RERE: variants seen among roughly 807,000 people sequenced by gnomAD.
RERE encodes arginine-glutamic acid dipeptide repeats protein.
In RERE, 40 loss-of-function variants were observed where a neutral mutation model predicts 146.1. The observed-to-expected ratio is 0.27, with a 90% CI of 0.21 to 0.36. The LOEUF (loss-of-function observed/expected upper bound fraction) is 0.36, where lower values mean the gene tolerates loss of function less well. RERE is among the 10% of genes least tolerant of loss of function. The pLI is 1.00. For missense variants in RERE, 1,933 were observed against 2,138.7 expected (o/e 0.90, Z 1.90); for synonymous variants, 1,003 against 866.0 (o/e 1.16, Z -2.78).
At position 8,439,649 on chromosome 1, in the gene RERE, A is replaced by G. The variant is rs1287912426; in HGVS notation, c.1204-16842T>C. On this transcript the variant is annotated intron_variant, in intron 11 of 22. Coordinates refer to ENST00000400908, the MANE Select transcript of RERE (RefSeq NM_001042681.2). ...CAAGAAAGGTCAATGACCCTTGGGAACCACACCCCCTGGCGGTTCCAGGTG... is the reference window on the plus strand; with the variant it reads ...CAAGAAAGGTCAATGACCCTTGGGAGCCACACCCCCTGGCGGTTCCAGGTG... 2.6e-5 allele frequency among the ~76,000 whole-genome samples: 4 copies of G among 152,226 alleles called. No homozygotes were observed. The South Asian group carries it at 8.3e-4, about 31-fold the overall frequency.
intron 4 of RERE, among the ~76,000 whole-genome samples, chr1:8,607,563 T>TTTTTTTTTTTTAGGG: frequency 1.1e-5 from 1 of 94,194 alleles, no homozygotes; most frequent in East Asian, 2.5e-4. Flanking sequence ...TTTTTTTTTT[T>TTTTTTTTTTTTAGGG]GAGACGGAGT....
intron 12 of RERE, among the ~76,000 whole-genome samples, chr1:8,377,212 C>A (rs1202826088): frequency 2.0e-5 from 3 of 152,248 alleles, no homozygotes; most frequent in Non-Finnish European, 2.9e-5. Flanking sequence ...GGCCTCTGGC[C>A]TGGAAGCCCT....
chr1:8,666,716 C>T (rs112129423), intron 1 of RERE, among the ~76,000 whole-genome samples: 5 of 152,284 alleles, frequency 3.3e-5, no homozygotes, highest in African/African-American at 1.2e-4. Context: ...CAAGATATCA[C>T]TGAAATATGA....
intron 4 of RERE, among the ~76,000 whole-genome samples, chr1:8,558,980 G>C (rs1646039672): frequency 6.6e-6 from 1 of 150,818 alleles, no homozygotes; most frequent in Non-Finnish European, 1.5e-5. Flanking sequence ...ATTTTTAGTA[G>C]AGACATGTTT....
At chr1:8,647,225 C>T (rs1356678675) in intron 2 of RERE, among the ~76,000 whole-genome samples, 2 of 152,140 alleles carry the variant, frequency 1.3e-5, no homozygotes, top group Non-Finnish European at 1.5e-5. Flanking sequence ...AACACACAGC[C>T]ACATTGTGTT....
chr1:8,610,239 G>C (rs60088571), intron 4 of RERE, among the ~76,000 whole-genome samples: 1 of 152,158 alleles, frequency 6.6e-6, no homozygotes, highest in Non-Finnish European at 1.5e-5. Flanking sequence ...AGCAGTTTCA[G>C]GATGTTCACA....
chr1:8,590,132 G>C (rs1396949112), intron 4 of RERE, among the ~76,000 whole-genome samples: 1 of 152,024 alleles, frequency 6.6e-6, no homozygotes, highest in Non-Finnish European at 1.5e-5. Flanking sequence ...GAGCTGGCCA[G>C]ACAGAACAAG....
In RERE at chr1:8,811,687, T is replaced by A. The variant is rs565701885; in HGVS notation, c.-145+5473A>T. 2.6e-5 allele frequency among the ~76,000 whole-genome samples: 4 copies of A among 152,338 alleles called. No homozygotes were observed. In the East Asian group the frequency reaches 7.7e-4, roughly 29 times the overall value. On this transcript the variant is annotated intron_variant, in intron 1 of 22. Transcript: ENST00000400908. The stretch of plus-strand genomic sequence containing the variant: ...GTGTCCGTGCATGCTCTGCTAAGTG[T>A]GTGCATGGCTGCGTGAGCTAGAATG...
intron 10 of RERE, among the ~76,000 whole-genome samples, chr1:8,473,749 C>G (rs144483609): frequency 3.3e-5 from 5 of 152,166 alleles, no homozygotes; most frequent in African/African-American, 1.2e-4. Context: ...TTAAATGGGC[C>G]TAACACCACC....
At chr1:8,386,014 ATATATATATTTTTTTTTTT>A (rs1198878153) in intron 12 of RERE, among the ~76,000 whole-genome samples, 7 of 44,622 alleles carry the variant, frequency 1.6e-4, no homozygotes, top group African/African-American at 6.6e-4. Context: ...ATATATATAT[ATATATATATTTTTTTTTTT>A]TTTTTTTTTT....
At chr1:8,402,211 C>A (rs112949231) in intron 12 of RERE, among the ~76,000 whole-genome samples, 2 of 152,250 alleles carry the variant, frequency 1.3e-5, no homozygotes, top group Admixed American at 1.3e-4. Flanking sequence ...GGCCACAGAA[C>A]GCAGCCAACC....
At chr1:8,451,329 A>G (rs1444186565) in intron 11 of RERE, among the ~76,000 whole-genome samples, 1 of 152,082 alleles carries the variant, frequency 6.6e-6, no homozygotes, top group Non-Finnish European at 1.5e-5. Context: ...CTACTCAGGA[A>G]GCTGAGGCAG....
chr1:8,702,838 A>G (rs1639482132), intron 1 of RERE, among the ~76,000 whole-genome samples: 2 of 152,170 alleles, frequency 1.3e-5, no homozygotes, highest in Admixed American at 1.3e-4. Flanking sequence ...GGCTACTTAA[A>G]AACTAGTGAG....
intron 1 of RERE, among the ~76,000 whole-genome samples, chr1:8,713,066 A>G (rs1639699016): frequency 6.6e-6 from 1 of 152,264 alleles, no homozygotes; most frequent in African/African-American, 2.4e-5. Context: ...AAGACTTGTT[A>G]TAAAATCTGA....
chr1:8,762,758 ACTT>A lies in RERE; in HGVS notation c.-145+54399_-145+54401del, dbSNP rs907482690. ...AAAACAGCCTCCTTATTTCTCCAAT[ACTT>A]CTTCTCCAAACATTGATGTTTCCAC... is the stretch of plus-strand genomic sequence containing the variant. On this transcript the variant is annotated intron_variant, in intron 1 of 22. Transcript: ENST00000400908. Among the ~76,000 whole-genome samples the A allele has an allele frequency of 1.5e-4, 23 of 152,256 alleles. No homozygotes were observed. The East Asian group carries it at 4.1e-3, about 27-fold the overall frequency.
At chr1:8,566,768 G>T (rs1646157676) in intron 4 of RERE, among the ~76,000 whole-genome samples, 3 of 151,388 alleles carry the variant, frequency 2.0e-5, no homozygotes, top group South Asian at 4.2e-4. Context: ...CTTCTGGAGG[G>T]ATCTGCTCAC....
intron 1 of RERE, among the ~76,000 whole-genome samples, chr1:8,792,799 T>C (rs1241214432): frequency 1.3e-5 from 2 of 152,086 alleles, no homozygotes; most frequent in Non-Finnish European, 2.9e-5. Context: ...GTGTCTTACA[T>C]CGGGTATGTT....
At chr1:8,781,110 C>T (rs1641156456) in intron 1 of RERE, among the ~76,000 whole-genome samples, 1 of 151,940 alleles carries the variant, frequency 6.6e-6, no homozygotes. Context: ...GCAATCCCAG[C>T]ACTTTCAGAG....
chr1:8,392,587 AC>A (rs1156270888), intron 12 of RERE, among the ~76,000 whole-genome samples: 1 of 151,870 alleles, frequency 6.6e-6, no homozygotes, highest in African/African-American at 2.4e-5. Flanking sequence ...GCCAGTATCT[AC>A]CCCCACCCCT....
Sources: allele counts gnomAD v4.1 joint callset (sites outside exome capture counted in the v4.1 genomes callset), GRCh38; gene constraint gnomAD v4.1.1; transcripts MANE v1.5; gene names NCBI Gene and HGNC (gene_info 2026-07-23, HGNC 2026-07-21).